ANKRD6: variants seen among roughly 807,000 people sequenced by gnomAD.
ANKRD6 encodes the protein ankyrin repeat domain 6, also known as ankyrin repeat domain-containing protein 6.
In ANKRD6, 56 loss-of-function variants were observed where a neutral mutation model predicts 82.3. The observed-to-expected ratio is 0.68, with a 90% CI of 0.55 to 0.85. The LOEUF (loss-of-function observed/expected upper bound fraction) is 0.85. ANKRD6 is among the 40% of genes least tolerant of loss of function. ANKRD6 has a pLI of 0.00. For synonymous variants in ANKRD6, 347 were observed against 352.1 expected (o/e 0.99, Z 0.16); for missense variants, 852 against 907.6 (o/e 0.94, Z 0.79).
intron 1 of ANKRD6, among the ~76,000 whole-genome samples, chr6:89,450,776 A>T (rs1452857449): frequency 6.6e-6 from 1 of 151,878 alleles, no homozygotes; most frequent in East Asian, 1.9e-4. Flanking sequence ...GCTGGGGGTT[A>T]CAGGCGTGAG....
At chr6:89,586,687 G>A (rs1335951957) in intron 2 of ANKRD6, among the ~76,000 whole-genome samples, 1 of 151,560 alleles carries the variant, frequency 6.6e-6, no homozygotes, top group African/African-American at 2.4e-5. Flanking sequence ...ACTGTCTTGG[G>A]GGAGAAAAAA....
chr6:89,565,607 G>A (rs538583432), intron 1 of ANKRD6, among the ~76,000 whole-genome samples: 4 of 152,342 alleles, frequency 2.6e-5, no homozygotes, highest in South Asian at 4.1e-4. Context: ...CACGGTGAAC[G>A]AGTTCAAACA....
At chr6:89,628,686 C>T (rs1359220708) in intron 14 of ANKRD6, 4 of 215,606 alleles carry the variant, frequency 1.9e-5, no homozygotes, top group Non-Finnish European at 2.8e-5. Context: ...AGGAGAATGG[C>T]GTGAACCCAG....
intron 1 of ANKRD6, among the ~76,000 whole-genome samples, chr6:89,565,632 G>A (rs1788344304): frequency 6.6e-6 from 1 of 152,190 alleles, no homozygotes; most frequent in African/African-American, 2.4e-5. Context: ...ATGGTCCAGG[G>A]CTTTCCAGCC....
intron 1 of ANKRD6, among the ~76,000 whole-genome samples, chr6:89,553,234 AC>A (rs1786092512): frequency 1.3e-5 from 2 of 152,180 alleles, no homozygotes; most frequent in Admixed American, 1.3e-4. Context: ...TGGAATGAAA[AC>A]CAGGCCCAGA....
At chr6:89,563,549 ACTT>A (rs1247104280) in intron 1 of ANKRD6, among the ~76,000 whole-genome samples, 2 of 152,320 alleles carry the variant, frequency 1.3e-5, no homozygotes, top group East Asian at 3.9e-4. Flanking sequence ...TAGCTGATCT[ACTT>A]GGAAGAGGAG....
intron 1 of ANKRD6, among the ~76,000 whole-genome samples, chr6:89,543,122 T>A (rs1281965622): frequency 6.6e-6 from 1 of 152,224 alleles, no homozygotes; most frequent in African/African-American, 2.4e-5. Context: ...GCAAGGAATG[T>A]CAGACGTGGC....
intron 4 of ANKRD6, among the ~76,000 whole-genome samples, 193 bp downstream of exon 4, chr6:89,603,320 A>ATTT (rs1229759944): frequency 2.6e-4 from 30 of 114,674 alleles, no homozygotes; most frequent in Middle Eastern, 5.3e-3. Context: ...GCCAATTGTA[A>ATTT]TTTTTTTTTT....
At chr6:89,616,121 G>T (rs186713590) in intron 7 of ANKRD6, among the ~76,000 whole-genome samples, 18 of 152,230 alleles carry the variant, frequency 1.2e-4, no homozygotes, top group Non-Finnish European at 1.9e-4. Flanking sequence ...CCATCTTCAC[G>T]GCTTCTCCTG....
intron 2 of ANKRD6, among the ~76,000 whole-genome samples, chr6:89,580,517 G>T (rs1379582398): frequency 3.9e-5 from 6 of 152,142 alleles, no homozygotes; most frequent in African/African-American, 1.4e-4. Flanking sequence ...AGAGAACGCT[G>T]GAAGTCAGTA....
At chr6:89,567,363 T>C (rs372581940) in intron 2 of ANKRD6, among the ~76,000 whole-genome samples, 1 of 152,136 alleles carries the variant, frequency 6.6e-6, no homozygotes, top group East Asian at 1.9e-4. Context: ...GGAGATCTCT[T>C]GGGAGAAGTT....
rs572072494 is a variant in ANKRD6, at chr6:89,506,416, G to C, written c.-143-60418G>C. Among the ~76,000 whole-genome samples the C allele has an allele frequency of 3.6e-4, 55 of 152,298 alleles. No individual in the cohort carries two copies. The South Asian group carries it at 0.011, about 31-fold the overall frequency. ...TGCAACCTCCACCTCCCGGGTTCAA[G>C]CTATTCTTCTGCTTCAGCCTCTCGA... On this transcript the variant is annotated intron_variant, in intron 1 of 15. Coordinates refer to ENST00000339746, the MANE Select transcript of ANKRD6 (RefSeq NM_001242809.2).
intron 1 of ANKRD6, among the ~76,000 whole-genome samples, chr6:89,530,412 G>A (rs1359394187): frequency 6.6e-6 from 1 of 151,936 alleles, no homozygotes; most frequent in East Asian, 1.9e-4. Flanking sequence ...AAAAAGTGAA[G>A]CACAACAGAG....
chr6:89,570,063 A>ATGTGTGTATATG (rs1789464779), intron 2 of ANKRD6, among the ~76,000 whole-genome samples: 1 of 148,760 alleles, frequency 6.7e-6, no homozygotes, highest in South Asian at 2.1e-4. Context: ...ATGTGTGTAT[A>ATGTGTGTATATG]TGTGTGTGTG....
intron 2 of ANKRD6, among the ~76,000 whole-genome samples, chr6:89,574,364 C>T (rs919541068): frequency 6.6e-6 from 1 of 152,204 alleles, no homozygotes; most frequent in Non-Finnish European, 1.5e-5. Context: ...GGAACAAAAT[C>T]ATCCCCGCCT....
intron 1 of ANKRD6, among the ~76,000 whole-genome samples, chr6:89,435,488 T>C (rs1434298909): frequency 6.6e-6 from 1 of 152,200 alleles, no homozygotes; most frequent in African/African-American, 2.4e-5. Flanking sequence ...TTTATTTTTC[T>C]TTTTTTCTCA....
intron 1 of ANKRD6, among the ~76,000 whole-genome samples, chr6:89,448,995 A>G (rs927678352): frequency 3.5e-5 from 5 of 144,880 alleles, no homozygotes; most frequent in Non-Finnish European, 7.4e-5. Context: ...GCGCCACTGC[A>G]CTCCAACCTG....
At chr6:89,577,377 A>AT (rs1184727124) in intron 2 of ANKRD6, among the ~76,000 whole-genome samples, 9 of 152,044 alleles carry the variant, frequency 5.9e-5, no homozygotes, top group Non-Finnish European at 1.2e-4. Flanking sequence ...AATGGGATAT[A>AT]TTTTTTCTTT....
chr6:89,443,538 T>C (rs752183750), intron 1 of ANKRD6, among the ~76,000 whole-genome samples: 5 of 152,138 alleles, frequency 3.3e-5, no homozygotes, highest in Non-Finnish European at 7.3e-5. Flanking sequence ...GTGATCATGG[T>C]TCTGCAGCCT....
Sources: allele counts gnomAD v4.1 joint callset (sites outside exome capture counted in the v4.1 genomes callset), GRCh38; gene constraint gnomAD v4.1.1; transcripts MANE v1.5; gene names NCBI Gene and HGNC (gene_info 2026-07-23, HGNC 2026-07-21).